CNOT10: variants seen among roughly 807,000 people sequenced by gnomAD.
The protein encoded by CNOT10 is CCR4-NOT transcription complex, subunit 10.
CNOT10 carries 30 observed loss-of-function variants against 94.6 expected under a neutral mutation model. The observed-to-expected ratio is 0.32, with a 90% CI of 0.24 to 0.43. The LOEUF (loss-of-function observed/expected upper bound fraction) is 0.43. Ranked by LOEUF, CNOT10 falls within the 20% of genes least tolerant of loss-of-function variation. The pLI, the probability that CNOT10 is intolerant of heterozygous loss-of-function variation, is 1.00. For synonymous variants in CNOT10, 289 were observed against 301.6 expected, an observed-to-expected ratio of 0.96 and a Z score of 0.43; for missense variants, 759 against 877.2, an observed-to-expected ratio of 0.87 and a Z score of 1.70.
chr3:32,691,981 C>T (rs887054259), intron 1 of CNOT10, among the ~76,000 whole-genome samples: 1 of 146,476 alleles, frequency 6.8e-6, no homozygotes, highest in Non-Finnish European at 1.5e-5. Flanking sequence ...GCCTGGGAGG[C>T]AGAGGTTGCA....
rs1182972602 is a variant in CNOT10 at position 32,686,560 on chromosome 3, A to G, written c.22+1078A>G. On this transcript the variant is annotated intron_variant, in intron 1 of 18. Coordinates refer to ENST00000328834, the MANE Select transcript of CNOT10 (RefSeq NM_015442.3). ...TAAGGAATGTGCTGTGAAATTTTGGATAGGTTGTTCAGGGAAGGCCTCTGG... is the reference window on the plus strand; with the variant it reads ...TAAGGAATGTGCTGTGAAATTTTGGGTAGGTTGTTCAGGGAAGGCCTCTGG... 7.2e-5 allele frequency among the ~76,000 whole-genome samples: 11 copies of G among 152,156 alleles called. 1 individual carries two copies. Among genetic ancestry groups the G allele is most frequent in the Non-Finnish European group, 2.9e-5 (2 of 68,030 alleles).
intron 1 of CNOT10, among the ~76,000 whole-genome samples, chr3:32,694,596 T>C (rs896171311): frequency 6.6e-6 from 1 of 152,086 alleles, no homozygotes; most frequent in Non-Finnish European, 1.5e-5. Flanking sequence ...TTTTTGTTTG[T>C]TTGTTTGTTT....
intron 4 of CNOT10, 47 bp downstream of exon 4, chr3:32,708,867 G>A: frequency 5.3e-6 from 8 of 1,502,590 alleles, no homozygotes; most frequent in Non-Finnish European, 7.2e-6. Flanking sequence ...CCCTATACTT[G>A]CAGAATTCTC....
chr3:32,749,520 C>T (rs984118203), intron 13 of CNOT10, among the ~76,000 whole-genome samples: 34 of 150,822 alleles, frequency 2.3e-4, no homozygotes, highest in African/African-American at 8.1e-4. Flanking sequence ...AGTGATTCTC[C>T]TGCCTCAAGC....
At chr3:32,698,978 G>C (rs1697207974) in intron 1 of CNOT10, among the ~76,000 whole-genome samples, 2 of 152,066 alleles carry the variant, frequency 1.3e-5, no homozygotes, top group Non-Finnish European at 2.9e-5. Flanking sequence ...TAGAGACGGG[G>C]TTTCACCATG....
intron 1 of CNOT10, among the ~76,000 whole-genome samples, chr3:32,701,284 CTA>C (rs10576116): frequency 0.99 from 150,155 of 152,246 alleles, 74,085 homozygotes; most frequent in East Asian, 1. Flanking sequence ...TTTACATTAC[CTA>C]TATATAGTAT....
intron 13 of CNOT10, chr3:32,752,890 C>A: frequency 2.9e-6 from 1 of 350,252 alleles, no homozygotes; most frequent in Admixed American, 3.8e-5. Context: ...GCTCCGGCGG[C>A]AGCAGCAGTG....
At chr3:32,755,764 T>G (rs1029725785) in intron 13 of CNOT10, among the ~76,000 whole-genome samples, 3 of 151,972 alleles carry the variant, frequency 2.0e-5, no homozygotes, top group African/African-American at 7.2e-5. Context: ...TTCCTTTTTT[T>G]TTTTTTTCTT....
At chr3:32,730,518 TTCC>T (rs895485755) in intron 10 of CNOT10, 8 of 152,136 alleles carry the variant, frequency 5.3e-5, no homozygotes, top group African/African-American at 1.9e-4. Flanking sequence ...CTTTGTGCTT[TTCC>T]TCCTCCTAAA....
intron 1 of CNOT10, among the ~76,000 whole-genome samples, chr3:32,692,682 G>T (rs1354250084): frequency 6.6e-6 from 1 of 152,086 alleles, no homozygotes; most frequent in Non-Finnish European, 1.5e-5. Flanking sequence ...ATTATTGAGG[G>T]TTACAAAATG....
chr3:32,764,199 T>C, intron 15 of CNOT10: 1 of 406,004 alleles, frequency 2.5e-6, no homozygotes, highest in Non-Finnish European at 4.3e-6. Flanking sequence ...TAGCCAGGGA[T>C]GGTGGCACAT....
chr3:32,765,317 CAA>C (rs371214250), intron 17 of CNOT10: 4 of 39,850 alleles, frequency 1.0e-4, no homozygotes, highest in South Asian at 7.7e-4. Flanking sequence ...GACTCCGTCT[CAA>C]AAAAAAAAAA....
At chr3:32,687,452 GTT>G (rs56091219) in intron 1 of CNOT10, among the ~76,000 whole-genome samples, 14 of 60,428 alleles carry the variant, frequency 2.3e-4, no homozygotes, top group Admixed American at 8.8e-4. Flanking sequence ...TTTTTTTTTT[GTT>G]TTTTTTTTTT....
At chr3:32,727,499 AT>A (rs1698730786) in intron 9 of CNOT10, among the ~76,000 whole-genome samples, 168 bp from the exon 10 acceptor site, 1 of 152,070 alleles carries the variant, frequency 6.6e-6, no homozygotes, top group Admixed American at 6.6e-5. Flanking sequence ...TCTGGAGAAT[AT>A]TTGTGGGGTT....
chr3:32,739,620 C>G (rs1296546303), intron 13 of CNOT10, among the ~76,000 whole-genome samples: 2 of 141,118 alleles, frequency 1.4e-5, no homozygotes, highest in Non-Finnish European at 3.0e-5. Flanking sequence ...GACCCTGTCT[C>G]TAAAAAAATC....
At chr3:32,708,594 T>C in intron 3 of CNOT10, 76 bp from the exon 4 acceptor site, 1 of 1,282,682 alleles carries the variant, frequency 7.8e-7, no homozygotes, top group Non-Finnish European at 1.1e-6. Flanking sequence ...TGTTCCTTTT[T>C]ATTCATATGA....
At chr3:32,729,937 T>G (rs992861274) in intron 10 of CNOT10, among the ~76,000 whole-genome samples, 9 of 150,618 alleles carry the variant, frequency 6.0e-5, no homozygotes, top group African/African-American at 2.2e-4. Flanking sequence ...CCCGGCTAAT[T>G]TTTTGTATTT....
intron 1 of CNOT10, among the ~76,000 whole-genome samples, chr3:32,692,343 A>G (rs1349645899): frequency 6.6e-6 from 1 of 152,150 alleles, no homozygotes; most frequent in Non-Finnish European, 1.5e-5. Flanking sequence ...GAATCCTCCC[A>G]GCTTGGTCTC....
At chr3:32,770,865 C>A (rs1226239891) in intron 18 of CNOT10, among the ~76,000 whole-genome samples, 1 of 151,996 alleles carries the variant, frequency 6.6e-6, no homozygotes, top group Non-Finnish European at 1.5e-5. Flanking sequence ...AGGCACCCAC[C>A]AACATGCCTG....
Sources: allele counts gnomAD v4.1 joint callset (sites outside exome capture counted in the v4.1 genomes callset), GRCh38; gene constraint gnomAD v4.1.1; transcripts MANE v1.5; gene names NCBI Gene and HGNC (gene_info 2026-07-23, HGNC 2026-07-21).